The following TRPM8 variants were observed in gnomAD, a reference collection of about 807,000 sequenced individuals.
TRPM8 encodes TRPM8 cationic channel.
In TRPM8, 110 loss-of-function variants were observed where a neutral mutation model predicts 133.7. The ratio of observed to expected loss-of-function variants is 0.82; its 90% CI spans 0.70 to 0.96. The LOEUF (loss-of-function observed/expected upper bound fraction) is 0.96, where lower values mean the gene tolerates loss of function less well. Among genes scored for constraint, TRPM8 ranks in the 40% least tolerant of loss-of-function variants. TRPM8 has a pLI of 0.00. For missense variants in TRPM8, 1,291 were observed against 1,379.5 expected (o/e 0.94, Z 1.02); for synonymous variants, 535 against 532.3 (o/e 1.01, Z -0.07).
At chr2:233,917,480 G>C (rs1691326564) in intron 1 of TRPM8, 48 bp downstream of exon 1, 1 of 152,174 alleles carries the variant, frequency 6.6e-6, no homozygotes, top group African/African-American at 2.4e-5. Flanking sequence ...TGTTGCCATT[G>C]CTGTAACTTG....
intron 3 of TRPM8, among the ~76,000 whole-genome samples, chr2:233,934,232 C>T (rs527243515): frequency 6.6e-6 from 1 of 152,314 alleles, no homozygotes; most frequent in African/African-American, 2.4e-5. Context: ...CAGGTCCCCT[C>T]TGCCCGTTCC....
At chr2:233,920,710 G>A (rs1691389305) in intron 1 of TRPM8, among the ~76,000 whole-genome samples, 2 of 152,128 alleles carry the variant, frequency 1.3e-5, no homozygotes. Flanking sequence ...AGCTTCACAG[G>A]AAGTGGAAGA....
intron 17 of TRPM8, among the ~76,000 whole-genome samples, chr2:233,972,644 T>C (rs1399765441): frequency 6.6e-6 from 1 of 152,148 alleles, no homozygotes; most frequent in East Asian, 1.9e-4. Flanking sequence ...CGGTGAGAAA[T>C]TGAGTGCAGC....
chr2:233,936,486 A>G (rs1288709341), intron 3 of TRPM8, among the ~76,000 whole-genome samples: 10 of 152,206 alleles, frequency 6.6e-5, no homozygotes, highest in Admixed American at 6.5e-4. Flanking sequence ...ACCCCAAATT[A>G]TTGGAAGTCT....
intron 22 of TRPM8, among the ~76,000 whole-genome samples, chr2:234,000,783 A>G (rs1461277925): frequency 6.6e-6 from 1 of 151,928 alleles, no homozygotes; most frequent in African/African-American, 2.4e-5. Flanking sequence ...AGTTCAAGCA[A>G]TTCCCCTGCC....
At chr2:233,921,083 A>T (rs1242074549) in intron 1 of TRPM8, among the ~76,000 whole-genome samples, 1 of 151,274 alleles carries the variant, frequency 6.6e-6, no homozygotes, top group African/African-American at 2.4e-5. Flanking sequence ...CTGGTCTCGA[A>T]CTCCTGACCT....
intron 9 of TRPM8, among the ~76,000 whole-genome samples, chr2:233,951,127 G>C (rs1691163895): frequency 6.6e-6 from 1 of 152,182 alleles, no homozygotes; most frequent in Non-Finnish European, 1.5e-5. Flanking sequence ...CTACTTGGTA[G>C]GTTGAGGTGG....
chr2:233,985,647 CA>C, intron 20 of TRPM8, 40 bp from the exon 21 acceptor site: 1 of 1,597,284 alleles, frequency 6.3e-7, no homozygotes, highest in Non-Finnish European at 8.6e-7. Context: ...CTCACCCCTC[CA>C]GAGGGTCCTC....
intron 14 of TRPM8, chr2:233,965,857 T>G (rs1036930725): frequency 7.2e-5 from 11 of 152,020 alleles, no homozygotes; most frequent in African/African-American, 2.7e-4. Context: ...TTCTTTTTTT[T>G]TTTTTTTTGA....
intron 6 of TRPM8, among the ~76,000 whole-genome samples, chr2:233,944,653 A>G (rs1225851858): frequency 6.6e-6 from 1 of 152,268 alleles, no homozygotes; most frequent in Non-Finnish European, 1.5e-5. Context: ...CTTAGAAAGC[A>G]ATGCAAATAA....
chr2:233,931,322 T>C (rs1691675766), intron 3 of TRPM8, among the ~76,000 whole-genome samples: 1 of 152,176 alleles, frequency 6.6e-6, no homozygotes, highest in Non-Finnish European at 1.5e-5. Flanking sequence ...AAGATGCATT[T>C]GAATCTAATT....
At chr2:233,923,046 G>A (rs1360449250) in intron 1 of TRPM8, among the ~76,000 whole-genome samples, 1 of 151,784 alleles carries the variant, frequency 6.6e-6, no homozygotes, top group Non-Finnish European at 1.5e-5. Flanking sequence ...TTTTTTTGTT[G>A]TTGTTGTTAG....
chr2:233,948,399 T>C (rs2125123077), intron 8 of TRPM8, among the ~76,000 whole-genome samples: 1 of 152,202 alleles, frequency 6.6e-6, no homozygotes, highest in East Asian at 1.9e-4. Context: ...CATGTGGGAG[T>C]TATTTATATC....
rs541082810 is a variant in TRPM8 at position 233,956,289 on chromosome 2, G to C, written c.1362+1039G>C. On this transcript the variant is annotated intron_variant, in intron 11 of 25. Coordinates refer to ENST00000324695, the MANE Select transcript of TRPM8 (RefSeq NM_024080.5). ...CTCAGGACTTCCCCTAGCCACATGA[G>C]TACCTTCAATATGGAAGTTGCACAT... Among the ~76,000 whole-genome samples, 42 of 152,226 alleles carry C rather than the reference G, an allele frequency of 2.8e-4. No individual in the cohort carries two copies. In the South Asian group the frequency reaches 3.1e-3, roughly 11 times the overall value.
chr2:233,939,208 C>T, intron 5 of TRPM8, 33 bp downstream of exon 5: 2 of 1,608,652 alleles, frequency 1.2e-6, no homozygotes, highest in South Asian at 1.1e-5. Context: ...CGGGTTCTTC[C>T]ATTCGGGCTG....
chr2:233,926,134 C>T (rs947157759), intron 1 of TRPM8, among the ~76,000 whole-genome samples: 3 of 152,180 alleles, frequency 2.0e-5, no homozygotes, highest in African/African-American at 7.2e-5. Context: ...TCTGTAAATT[C>T]CCTTCATCCT....
At chr2:233,999,310 C>G (rs775180334) in intron 22 of TRPM8, among the ~76,000 whole-genome samples, 2 of 151,214 alleles carry the variant, frequency 1.3e-5, no homozygotes, top group Non-Finnish European at 1.5e-5. Flanking sequence ...CTCAGTGTCA[C>G]CACACATAGC....
In TRPM8 at chr2:233,932,437, C is replaced by T. The variant is rs147713498; in HGVS notation, c.191+1696C>T. Among the ~76,000 whole-genome samples the T allele has an allele frequency of 8.0e-3, 1,221 of 152,102 alleles. 14 individuals are homozygous for T. Among genetic ancestry groups the T allele is most frequent in the African/African-American group, 0.028 (1,154 of 41,454 alleles). On this transcript the variant is annotated intron_variant, in intron 3 of 25. Coordinates refer to ENST00000324695, the MANE Select transcript of TRPM8 (RefSeq NM_024080.5). ...GCATGTGCCTATCTCTAAACTAATC[C>T]CTGGGGCTGGAGGATGGAAGTTGAG...
intron 21 of TRPM8, among the ~76,000 whole-genome samples, chr2:233,986,868 A>G (rs1225875225): frequency 2.6e-5 from 4 of 152,236 alleles, no homozygotes; most frequent in African/African-American, 9.6e-5. Flanking sequence ...AGCACATAAA[A>G]AAGGACTTAA....
Sources: gnomAD v4.1 joint callset for allele counts (sites outside exome capture counted in the v4.1 genomes callset) on GRCh38, gnomAD v4.1.1 for gene constraint, MANE v1.5 for transcripts, NCBI Gene and HGNC (gene_info 2026-07-23, HGNC 2026-07-21) for gene names.